Variants in DUSP8 observed in about 807,000 individuals in gnomAD.
The protein encoded by DUSP8 is dual specificity phosphatase 8, also known as dual specificity protein phosphatase 8.
Under a neutral mutation model 38.7 loss-of-function variants are expected in DUSP8, and 15 were observed. The ratio of observed to expected loss-of-function variants is 0.39; its 90% CI spans 0.26 to 0.60. The LOEUF (loss-of-function observed/expected upper bound fraction) is 0.60. Among genes scored for constraint, DUSP8 ranks in the 20% least tolerant of loss-of-function variants. The pLI, the probability that DUSP8 is intolerant of heterozygous loss-of-function variation, is 0.56. For missense variants in DUSP8, 768 were observed against 915.0 expected (o/e 0.84, Z 2.07); for synonymous variants, 458 against 433.9 (o/e 1.06, Z -0.69).
chr11:1,572,387 T>A (rs1039553251), upstream of DUSP8, among the ~76,000 whole-genome samples: 40 of 129,706 alleles, frequency 3.1e-4, no homozygotes, highest in East Asian at 7.8e-3. This position sits in a 1 kb window ranked among gnomAD's most constrained non-coding sequence, Gnocchi z 4.7. Flanking sequence ...GCAGGTGACG[T>A]CAGCGGAGCC....
At chr11:1,564,229 C>A (rs533706310) in intron 2 of DUSP8, among the ~76,000 whole-genome samples, 2 of 152,356 alleles carry the variant, frequency 1.3e-5, no homozygotes, top group East Asian at 3.9e-4. Context: ...GGGGTGGACT[C>A]CTGCCCTGCG....
At chr11:1,560,388 G>A (rs758514735) in intron 3 of DUSP8, among the ~76,000 whole-genome samples, 1 of 152,168 alleles carries the variant, frequency 6.6e-6, no homozygotes, top group Non-Finnish European at 1.5e-5. Flanking sequence ...ATTCTCCCCT[G>A]CTGGGTGGAG....
At chr11:1,565,233 T>C (rs1848783990) in intron 2 of DUSP8, among the ~76,000 whole-genome samples, 1 of 152,210 alleles carries the variant, frequency 6.6e-6, no homozygotes, top group South Asian at 2.1e-4. Context: ...CCCACTGCCA[T>C]GTGGTCACAC....
rs946743090 is a variant in DUSP8 at position 1,555,264 on chromosome 11, G to A, written c.*1254C>T. 2 of 987,752 alleles carry A rather than the reference G, an allele frequency of 2.0e-6. No individual in the cohort carries two copies. The highest frequency in any genetic ancestry group is 2.4e-6 in the Non-Finnish European group (2 of 830,170). 61.2% of individuals were successfully genotyped at this position (987,752 alleles called of 1,614,324 possible). ...CTAGAGAGAGAGCACCCTGGGAAAG[G>A]GGTGAATGGGAGTTTCTCTCCTGAG... On this transcript the variant is annotated 3_prime_UTR_variant, in exon 7 of 7. Transcript: ENST00000397374.
At chr11:1,566,728 G>C (rs1848810494) in intron 1 of DUSP8, among the ~76,000 whole-genome samples, 1 of 152,176 alleles carries the variant, frequency 6.6e-6, no homozygotes, top group South Asian at 2.1e-4. Context: ...TCCTTCATGG[G>C]CTGATAGGGC....
chr11:1,562,375 AC>A (rs1216052475), intron 3 of DUSP8, among the ~76,000 whole-genome samples: 1 of 151,870 alleles, frequency 6.6e-6, no homozygotes, highest in African/African-American at 2.4e-5. Flanking sequence ...GTCCTGTTAC[AC>A]CTGGTGAGCT....
chr11:1,570,508 G>T (rs1848871369), intron 1 of DUSP8, among the ~76,000 whole-genome samples: 1 of 128,658 alleles, frequency 7.8e-6, no homozygotes, highest in Non-Finnish European at 1.9e-5. Context: ...CCCAGCCTGA[G>T]AAGAGAAGGG....
At chr11:1,572,399 G>C (rs1433458530), upstream of DUSP8, among the ~76,000 whole-genome samples, 1 of 150,036 alleles carries the variant, frequency 6.7e-6, no homozygotes, top group Non-Finnish European at 1.5e-5. This position sits in a 1 kb window ranked among gnomAD's most constrained non-coding sequence, Gnocchi z 4.7. Flanking sequence ...AGCGGAGCCC[G>C]GGCTCGGGGT....
chr11:1,569,509 A>G (rs1425162569), intron 1 of DUSP8, among the ~76,000 whole-genome samples: 1 of 152,092 alleles, frequency 6.6e-6, no homozygotes, highest in Non-Finnish European at 1.5e-5. Flanking sequence ...CATACACTAG[A>G]GTACACGCAC....
intron 1 of DUSP8, 194 bp downstream of exon 1, chr11:1,571,707 G>C (rs1461564151): frequency 2.0e-5 from 3 of 151,702 alleles, no homozygotes; most frequent in Non-Finnish European, 4.4e-5. Flanking sequence ...GTTGCGGGGG[G>C]CGGGGAAGGG....
intron 1 of DUSP8, among the ~76,000 whole-genome samples, 162 bp downstream of exon 1, chr11:1,571,739 T>C (rs1349304972): frequency 2.0e-5 from 3 of 151,272 alleles, no homozygotes; most frequent in Admixed American, 2.0e-4. Context: ...CCTGGCGTCC[T>C]GGACGGCCGT....
rs1168715952 is a variant in DUSP8 at position 1,557,601 on chromosome 11, G to A, written c.822-27C>T. 1 of 1,501,716 alleles carries A rather than the reference G, an allele frequency of 6.7e-7. No individual in the cohort carries two copies. Among genetic ancestry groups the A allele is most frequent in the Non-Finnish European group, 8.8e-7 (1 of 1,131,184 alleles). 93.0% of individuals were successfully genotyped at this position (1,501,716 alleles called of 1,614,324 possible). A position where few individuals can be genotyped will look rare whatever the true frequency, so the allele number is the denominator to read the frequency against. On this transcript the variant is annotated intron_variant, in intron 6 of 6. Transcript: ENST00000397374. This position sits in a 1 kb window ranked among gnomAD's most constrained non-coding sequence, Gnocchi z 9.9. The stretch of plus-strand genomic sequence containing the variant: ...TGCGGGGGAGGAGGCTCAGTCCCAG[G>A]CGCCCGCCGGGGCCAGGCTGCCCAC...
chr11:1,565,114 C>T (rs906663526), intron 2 of DUSP8, among the ~76,000 whole-genome samples: 3 of 152,152 alleles, frequency 2.0e-5, no homozygotes, highest in African/African-American at 7.2e-5. Context: ...AGCTGTGGGA[C>T]GGGGACATGG....
Position 1,557,503 on chromosome 11 carries a change from C to A in DUSP8, c.893G>T (p.Arg298Leu). 1.9e-6 allele frequency: 3 copies of A among 1,586,770 alleles called. No individual in the cohort carries two copies. Among genetic ancestry groups the A allele is most frequent in the Non-Finnish European group, 8.5e-7 (1 of 1,175,288 alleles). ...NFLGQLLEYERSLKLLAALQG... is the reference protein window; with the variant it reads ...NFLGQLLEYELSLKLLAALQG... ...CAGGGCGGCCAGCAGCTTCAGGCTG[C>A]GCTCGTACTCCAGCAGCTGGCCCAG... The change falls in exon 7 of 7, where the codon CGC becomes CTC. Residue 298 changes from arginine to leucine, a missense_variant. Coordinates refer to ENST00000397374, the MANE Select transcript of DUSP8 (RefSeq NM_004420.3). This position sits in a 1 kb window ranked among gnomAD's most constrained non-coding sequence, Gnocchi z 9.9.
At chr11:1,562,490 T>G (rs1848732105) in intron 3 of DUSP8, among the ~76,000 whole-genome samples, 1 of 152,204 alleles carries the variant, frequency 6.6e-6, no homozygotes, top group Non-Finnish European at 1.5e-5. Flanking sequence ...CTGTGGCTTC[T>G]GGTTCTGAGA....
intron 2 of DUSP8, among the ~76,000 whole-genome samples, chr11:1,564,584 C>T (rs1025403738): frequency 1.3e-5 from 2 of 152,204 alleles, no homozygotes; most frequent in African/African-American, 4.8e-5. Context: ...ACCCCAAGGG[C>T]CAGCCCAGAT....
intron 3 of DUSP8, among the ~76,000 whole-genome samples, chr11:1,561,706 TCA>T (rs1848719323): frequency 6.6e-6 from 1 of 152,232 alleles, no homozygotes; most frequent in Non-Finnish European, 1.5e-5. Context: ...GGCTTGGTCC[TCA>T]CATTCCGGCC....
chr11:1,557,428 G>C lies in DUSP8; in HGVS notation c.968C>G (p.Pro323Arg). Residue 323 changes from proline to arginine, a missense_variant, in exon 7 of 7, where the codon CCT becomes CGT. Physicochemically the swap from Pro to Arg is moderately radical, Grantham distance 103. Around this residue, in one of 3 missense-constraint regions of DUSP8, gnomAD observed 474 missense variants for 430.8 expected, o/e 1.10. Coordinates refer to ENST00000397374, the MANE Select transcript of DUSP8 (RefSeq NM_004420.3). The surrounding 1 kb of genome is among the most constrained non-coding windows in gnomAD (Gnocchi z 9.9). ...PSGTPEPPPS[P>R]AAGAPLPRLP... ...CCGTGGCAGCGGGGCCCCGGCGGCA[G>C]GACTGGGCGGAGGCTCCGGCGTCCC... 1.3e-6 allele frequency: 2 copies of C among 1,564,704 alleles called. No individual in the cohort carries two copies. Among genetic ancestry groups the C allele is most frequent in the African/African-American group, 1.4e-5 (1 of 71,970 alleles).
Position 1,557,198 on chromosome 11 carries a change from A to T in DUSP8, c.1198T>A (p.Ser400Thr). The T allele has an allele frequency of 6.7e-7, 1 of 1,489,854 alleles. No individual in the cohort carries two copies. The highest frequency in any genetic ancestry group is 2.3e-5 in the Admixed American group (1 of 43,126). The allele number at this position is 1,489,854 out of a possible 1,614,324, so 92.3% of individuals were successfully genotyped here. Residue 400 changes from serine to threonine, a missense_variant, in exon 7 of 7, where the codon TCT (serine) becomes ACT (threonine). Ser to Thr is a moderately conservative substitution (Grantham distance 58). Around this residue, in one of 3 missense-constraint regions of DUSP8, gnomAD observed 474 missense variants for 430.8 expected, o/e 1.10. Transcript: ENST00000397374. This position sits in a 1 kb window ranked among gnomAD's most constrained non-coding sequence, Gnocchi z 9.9. ...GGCCGCCTGCTAGGGGCGTAGGCAG[A>T]CTTGATGTCCAGGGAGAAGGAGCGC... ...LKRSFSLDIK[S>T]AYAPSRRPDG...
Sources: gnomAD v4.1 joint callset for allele counts (sites outside exome capture counted in the v4.1 genomes callset) on GRCh38, gnomAD v4.1.1 for gene constraint, gnomAD v4.1.1 regional missense constraint, Gnocchi (gnomAD v3.1) non-coding constraint, MANE v1.5 for transcripts, NCBI Gene and HGNC (gene_info 2026-07-23, HGNC 2026-07-21) for gene names.